The following TMEM178B variants were observed in gnomAD, a reference collection of about 807,000 sequenced individuals.
TMEM178B encodes the protein transmembrane protein 178B.
A neutral mutation model predicts 31.0 loss-of-function variants in TMEM178B; 5 were observed. That is an observed-to-expected ratio of 0.16 (90% CI 0.08 to 0.34). The LOEUF is 0.34. Ranked by LOEUF, TMEM178B falls within the 10% of genes least tolerant of loss-of-function variation. TMEM178B has a pLI of 1.00. For missense variants in TMEM178B, 275 were observed against 400.3 expected, an observed-to-expected ratio of 0.69 and a Z score of 2.67; for synonymous variants, 164 against 164.0, an observed-to-expected ratio of 1.00 and a Z score of 0.00.
At chr7:141,114,673 G>C (rs1347785100) in intron 1 of TMEM178B, among the ~76,000 whole-genome samples, 1 of 152,212 alleles carries the variant, frequency 6.6e-6, no homozygotes, top group African/African-American at 2.4e-5. Context: ...CGGTGCACTG[G>C]CTTTCTCCCC....
rs566113279 is a variant in TMEM178B, at chr7:141,329,891, G to A, written c.497-107717G>A. Among the ~76,000 whole-genome samples the A allele has an allele frequency of 9.8e-4, 149 of 152,286 alleles. 2 individuals are homozygous for A. The highest frequency in any genetic ancestry group is 3.3e-3 in the African/African-American group (139 of 41,552). Reference sequence around the variant, plus strand: ...GGGGACATGACACTCACACAAAGAGGGGAACTCATCAGGAAGTATTCTAAT... The same window carrying A: ...GGGGACATGACACTCACACAAAGAGAGGAACTCATCAGGAAGTATTCTAAT... On this transcript the variant is annotated intron_variant, in intron 2 of 3. Coordinates refer to ENST00000565468, the MANE Select transcript of TMEM178B (RefSeq NM_001195278.2).
At chr7:141,482,449 G>C (rs913687897), downstream of TMEM178B, among the ~76,000 whole-genome samples, 2 of 152,158 alleles carry the variant, frequency 1.3e-5, no homozygotes, top group Non-Finnish European at 2.9e-5. Context: ...TGAAGCACAG[G>C]GATTCTGACT....
In TMEM178B at chr7:141,275,617, A is replaced by G. The variant is rs117552551; in HGVS notation, c.496+62913A>G. 3.6e-3 allele frequency among the ~76,000 whole-genome samples: 556 copies of G among 152,350 alleles called. 4 individuals are homozygous for G. Among genetic ancestry groups the G allele is most frequent in the Non-Finnish European group, 6.3e-3 (430 of 68,032 alleles). Reference sequence around the variant, plus strand: ...AGGATTGTTAGTATCTGAAAGCAGGATAAAGAAGTTGCAAACCTCTCTGCT... The same window carrying G: ...AGGATTGTTAGTATCTGAAAGCAGGGTAAAGAAGTTGCAAACCTCTCTGCT... On this transcript the variant is annotated intron_variant, in intron 2 of 3. Transcript: ENST00000565468.
chr7:141,224,966 T>A (rs546597251), intron 2 of TMEM178B, among the ~76,000 whole-genome samples: 5 of 152,218 alleles, frequency 3.3e-5, no homozygotes, highest in Non-Finnish European at 7.3e-5. Flanking sequence ...TCTAAAGGGA[T>A]TGACCGCTAA....
At chr7:141,340,584 A>T (rs986400340) in intron 2 of TMEM178B, among the ~76,000 whole-genome samples, 2 of 152,254 alleles carry the variant, frequency 1.3e-5, no homozygotes, top group Non-Finnish European at 2.9e-5. Context: ...TCCTCAGAGG[A>T]ATCCGATTGT....
chr7:141,371,662 C>A (rs1476403663), intron 2 of TMEM178B, among the ~76,000 whole-genome samples: 1 of 152,166 alleles, frequency 6.6e-6, no homozygotes, highest in Non-Finnish European at 1.5e-5. Flanking sequence ...GAACAGAATG[C>A]ATGACACCAG....
Position 141,401,581 on chromosome 7 carries a change from A to AT in TMEM178B, c.497-36020dup, listed in dbSNP as rs577903087. Among the ~76,000 whole-genome samples, 1,375 of 150,358 alleles carry AT rather than the reference A, an allele frequency of 9.1e-3. 24 individuals carry two copies. Among genetic ancestry groups the AT allele is most frequent in the African/African-American group, 0.031 (1,250 of 39,992 alleles). ...CGGGTGCATGCCACCACACCCAGCT[A>AT]TTTTTTTATTTTTTTATTTTTTTAG... On this transcript the variant is annotated intron_variant, in intron 2 of 3. Transcript: ENST00000565468.
intron 2 of TMEM178B, among the ~76,000 whole-genome samples, chr7:141,265,520 T>C (rs985439006): frequency 6.6e-6 from 1 of 152,166 alleles, no homozygotes; most frequent in Non-Finnish European, 1.5e-5. Context: ...GAGATAGGAA[T>C]AGGCAGTGTT....
intron 2 of TMEM178B, among the ~76,000 whole-genome samples, chr7:141,321,825 T>TA (rs150459218): frequency 6.0e-4 from 90 of 149,992 alleles, no homozygotes; most frequent in African/African-American, 2.2e-3. Flanking sequence ...TTGTCCAACA[T>TA]TAAAAAAAAA....
At chr7:141,307,263 A>G (rs887346144) in intron 2 of TMEM178B, among the ~76,000 whole-genome samples, 1 of 152,238 alleles carries the variant, frequency 6.6e-6, no homozygotes, top group African/African-American at 2.4e-5. Flanking sequence ...AAAGGGGGCA[A>G]TATTTTTGTT....
At chr7:141,425,716 C>T (rs2116659600) in intron 2 of TMEM178B, among the ~76,000 whole-genome samples, 1 of 152,290 alleles carries the variant, frequency 6.6e-6, no homozygotes, top group East Asian at 1.9e-4. Context: ...GCTGACCTAG[C>T]TTTCTTCAGG....
chr7:141,222,689 G>T (rs1797275433), intron 2 of TMEM178B, among the ~76,000 whole-genome samples: 1 of 152,158 alleles, frequency 6.6e-6, no homozygotes, highest in Non-Finnish European at 1.5e-5. Flanking sequence ...TGCAACCTGT[G>T]CAGGTGAATT....
chr7:141,510,707 A>AAAAAG, the TMEM178B span, among the ~76,000 whole-genome samples: 2 of 136,000 alleles, frequency 1.5e-5, no homozygotes, highest in African/African-American at 6.7e-5. Flanking sequence ...AAAAAAAAAA[A>AAAAAG]AAAAAGAAAA....
intron 1 of TMEM178B, among the ~76,000 whole-genome samples, chr7:141,159,707 C>G (rs1470549045): frequency 6.6e-6 from 1 of 152,054 alleles, no homozygotes; most frequent in Non-Finnish European, 1.5e-5. Context: ...CACAGTAAGA[C>G]AAATACTGTA....
At chr7:141,129,463 T>A (rs975736025) in intron 1 of TMEM178B, among the ~76,000 whole-genome samples, 1 of 152,198 alleles carries the variant, frequency 6.6e-6, no homozygotes, top group Non-Finnish European at 1.5e-5. Flanking sequence ...TACACACCCA[T>A]GTCACCAGCA....
chr7:141,450,442 A>G (rs1204295101), intron 3 of TMEM178B, among the ~76,000 whole-genome samples: 4 of 152,212 alleles, frequency 2.6e-5, no homozygotes, highest in Admixed American at 2.0e-4. Flanking sequence ...TAAGAGATAT[A>G]TTAGCTGTTT....
chr7:141,510,882 A>G, the TMEM178B span, among the ~76,000 whole-genome samples: 1 of 152,108 alleles, frequency 6.6e-6, no homozygotes, highest in Non-Finnish European at 1.5e-5. Flanking sequence ...AAGAGCCACA[A>G]AGAAGGGTGA....
In TMEM178B at chr7:141,108,999, C is replaced by T. The variant is rs374528855; in HGVS notation, c.382+34307C>T. The stretch of plus-strand genomic sequence containing the variant: ...GAGAGAGAATGAGAGCCAAGTGAAA[C>T]GGATTTCCCCTTATCAAACCATCAA... On this transcript the variant is annotated intron_variant, in intron 1 of 3. Transcript: ENST00000565468. 1.2e-4 allele frequency among the ~76,000 whole-genome samples: 19 copies of T among 152,236 alleles called. No individual in the cohort carries two copies. The East Asian group carries it at 1.5e-3, about 12-fold the overall frequency.
intron 2 of TMEM178B, among the ~76,000 whole-genome samples, chr7:141,435,056 A>C (rs1454066890): frequency 5.9e-5 from 9 of 152,260 alleles, no homozygotes; most frequent in African/African-American, 2.2e-4. Context: ...TCAATGAAAC[A>C]GAATAGAGAA....
Sources: gnomAD v4.1 joint callset for allele counts (sites outside exome capture counted in the v4.1 genomes callset) on GRCh38, gnomAD v4.1.1 for gene constraint, MANE v1.5 for transcripts, NCBI Gene and HGNC (gene_info 2026-07-23, HGNC 2026-07-21) for gene names.